The following PTPRO variants were observed in gnomAD, a reference collection of about 807,000 sequenced individuals.
PTPRO encodes the protein protein tyrosine phosphatase receptor type O.
PTPRO carries 62 observed loss-of-function variants against 145.2 expected under a neutral mutation model. The ratio of observed to expected loss-of-function variants is 0.43; its 90% CI spans 0.35 to 0.53. The LOEUF (loss-of-function observed/expected upper bound fraction) is 0.53, where lower values mean the gene tolerates loss of function less well. Among genes scored for constraint, PTPRO ranks in the 20% least tolerant of loss-of-function variants. PTPRO has a pLI of 0.01. For synonymous variants in PTPRO, 565 were observed against 514.7 expected, an observed-to-expected ratio of 1.10 and a Z score of -1.32; for missense variants, 1,345 against 1,482.7, an observed-to-expected ratio of 0.91 and a Z score of 1.53.
intron 1 of PTPRO, among the ~76,000 whole-genome samples, chr12:15,339,323 G>A (rs1866889069): frequency 6.6e-6 from 1 of 152,150 alleles, no homozygotes; most frequent in Non-Finnish European, 1.5e-5. Flanking sequence ...TTCAGGTCCT[G>A]AGGAGGATGA....
chr12:15,370,061 T>G (rs1938480639), intron 1 of PTPRO, among the ~76,000 whole-genome samples: 1 of 152,012 alleles, frequency 6.6e-6, no homozygotes, highest in African/African-American at 2.4e-5. Flanking sequence ...CAAAAAAAAT[T>G]TTAAAAATGT....
chr12:15,412,825 A>G (rs1291139810), intron 1 of PTPRO, among the ~76,000 whole-genome samples: 2 of 152,042 alleles, frequency 1.3e-5, no homozygotes, highest in African/African-American at 4.8e-5. Context: ...ATGGACTCTC[A>G]CTCTGTCTCC....
chr12:15,494,320 A>G (rs1476924174), intron 2 of PTPRO, among the ~76,000 whole-genome samples: 10 of 152,218 alleles, frequency 6.6e-5, no homozygotes, highest in African/African-American at 2.2e-4. Context: ...TAAGAAAAAA[A>G]GGGAAGTACA....
intron 1 of PTPRO, among the ~76,000 whole-genome samples, chr12:15,405,955 TA>T (rs1196189562): frequency 6.6e-6 from 1 of 152,218 alleles, no homozygotes; most frequent in African/African-American, 2.4e-5. Flanking sequence ...CACATTTAAA[TA>T]TTTTTGTGCT....
intron 1 of PTPRO, among the ~76,000 whole-genome samples, chr12:15,441,927 C>A (rs1415123751): frequency 6.6e-6 from 1 of 152,010 alleles, no homozygotes; most frequent in Non-Finnish European, 1.5e-5. Flanking sequence ...ACCAGATGTA[C>A]AAAAAGCTGG....
chr12:15,576,338 A>C (rs1944184209), intron 19 of PTPRO, among the ~76,000 whole-genome samples: 1 of 152,222 alleles, frequency 6.6e-6, no homozygotes, highest in African/African-American at 2.4e-5. Flanking sequence ...GGCAACTTCC[A>C]CTTACAGTGT....
intron 1 of PTPRO, among the ~76,000 whole-genome samples, chr12:15,466,725 G>A (rs1941426250): frequency 6.6e-6 from 1 of 152,088 alleles, no homozygotes; most frequent in Admixed American, 6.6e-5. Context: ...GAGAAATTCT[G>A]TCTGTATACG....
In PTPRO at chr12:15,551,636, C is replaced by T. The variant is rs749489031; in HGVS notation, c.2523C>T (p.Leu841=). 2 of 1,613,640 alleles carry T rather than the reference C, an allele frequency of 1.2e-6. No homozygotes were observed. Among genetic ancestry groups the T allele is most frequent in the East Asian group, 4.5e-5 (2 of 44,830 alleles). The change falls in exon 15 of 27, where the codon CTC becomes CTT. Residue 841 remains leucine (L), a synonymous_variant. Coordinates refer to ENST00000281171, the MANE Select transcript of PTPRO (RefSeq NM_030667.3). ...TAATTGGACTGTTGCTTGTTACCCT[C>T]ATTATTCTTAGGAAAAAGCATCTGC... ...TLLIGLLLVT[L]IILRKKHLQM...
intron 1 of PTPRO, among the ~76,000 whole-genome samples, chr12:15,446,322 T>C (rs1940901571): frequency 6.6e-6 from 1 of 151,992 alleles, no homozygotes; most frequent in African/African-American, 2.4e-5. Context: ...TAGAAGAAAT[T>C]GAATCAGAAA....
At chr12:15,552,247 C>T (rs1943483630) in intron 15 of PTPRO, among the ~76,000 whole-genome samples, 1 of 152,170 alleles carries the variant, frequency 6.6e-6, no homozygotes, top group Non-Finnish European at 1.5e-5. Flanking sequence ...GTTCCTTTGA[C>T]CACTGATGCA....
intron 15 of PTPRO, among the ~76,000 whole-genome samples, chr12:15,552,795 C>CTTT (rs747379253): frequency 0.29 from 26,297 of 91,438 alleles, 5,597 homozygotes; most frequent in Middle Eastern, 0.35. Context: ...GAGGTCAAAT[C>CTTT]TTTTTTTTTT....
intron 1 of PTPRO, among the ~76,000 whole-genome samples, chr12:15,466,081 A>C (rs1941408167): frequency 6.6e-6 from 1 of 152,194 alleles, no homozygotes; most frequent in South Asian, 2.1e-4. Flanking sequence ...GAGAGAACTG[A>C]GTCTCAGGCT....
intron 1 of PTPRO, among the ~76,000 whole-genome samples, chr12:15,373,342 A>G (rs923779743): frequency 2.0e-5 from 3 of 152,214 alleles, no homozygotes; most frequent in African/African-American, 7.2e-5. Flanking sequence ...TGGCATCATA[A>G]CTGAAGGCCC....
chr12:15,418,343 G>T (rs1054358109), intron 1 of PTPRO, among the ~76,000 whole-genome samples: 3 of 151,748 alleles, frequency 2.0e-5, no homozygotes. Flanking sequence ...TTCACAGCTA[G>T]ATTCCCAGTA....
At chr12:15,356,259 A>AT (rs1285782438) in intron 1 of PTPRO, among the ~76,000 whole-genome samples, 1 of 152,172 alleles carries the variant, frequency 6.6e-6, no homozygotes, top group Non-Finnish European at 1.5e-5. Context: ...CATACATGTG[A>AT]TTTTTGTCTT....
intron 1 of PTPRO, among the ~76,000 whole-genome samples, chr12:15,364,614 A>T (rs1415747867): frequency 2.6e-5 from 4 of 152,138 alleles, no homozygotes; most frequent in Admixed American, 6.5e-5. Context: ...AATCCAGATT[A>T]TTGACTGTAA....
intron 9 of PTPRO, among the ~76,000 whole-genome samples, chr12:15,519,342 G>A (rs1167339152): frequency 6.6e-6 from 1 of 152,312 alleles, no homozygotes; most frequent in African/African-American, 2.4e-5. Flanking sequence ...TGAGATTTGG[G>A]TGGGGACACA....
At chr12:15,483,804 C>G (rs1160390908) in intron 1 of PTPRO, among the ~76,000 whole-genome samples, 170 bp from the exon 2 acceptor site, 3 of 152,090 alleles carry the variant, frequency 2.0e-5, no homozygotes, top group East Asian at 3.9e-4. Context: ...TTCTGATTTT[C>G]TTTGTGTAAC....
chr12:15,575,942 C>T (rs766419913), intron 19 of PTPRO, among the ~76,000 whole-genome samples: 1 of 152,202 alleles, frequency 6.6e-6, no homozygotes, highest in Non-Finnish European at 1.5e-5. Context: ...TTAATTACAA[C>T]TGCAAAGACA....
Sources: allele counts gnomAD v4.1 joint callset (sites outside exome capture counted in the v4.1 genomes callset), GRCh38; gene constraint gnomAD v4.1.1; transcripts MANE v1.5; gene names NCBI Gene and HGNC (gene_info 2026-07-23, HGNC 2026-07-21).